MTX2: variants seen among roughly 807,000 people sequenced by gnomAD.
MTX2 encodes metaxin-2.
MTX2 carries 35 observed loss-of-function variants against 42.3 expected under a neutral mutation model. That is an observed-to-expected ratio of 0.83 (90% CI 0.63 to 1.10). The LOEUF (loss-of-function observed/expected upper bound fraction) is 1.10, where lower values mean the gene tolerates loss of function less well. MTX2 is among the 50% of genes least tolerant of loss of function. MTX2 has a pLI of 0.00. For missense variants in MTX2, 307 were observed against 304.1 expected (o/e 1.01, Z -0.07); for synonymous variants, 119 against 100.9 (o/e 1.18, Z -1.08).
chr2:176,325,738 AT>A (rs1001764953), intron 4 of MTX2, among the ~76,000 whole-genome samples: 1 of 151,814 alleles, frequency 6.6e-6, no homozygotes, highest in African/African-American at 2.4e-5. Context: ...TAAGAAAACA[AT>A]GTGGCCTAAT....
chr2:176,278,403 T>C lies in MTX2; in HGVS notation c.40+8734T>C, dbSNP rs147143050. On this transcript the variant is annotated intron_variant, in intron 1 of 9. Transcript: ENST00000249442. ...TGTAAATTTTTGAAAACTTTGATAA[T>C]AAGATCCCTTCAGAGGCTTGTTTTC... 8.0e-3 allele frequency among the ~76,000 whole-genome samples: 1,213 copies of C among 152,050 alleles called. 5 individuals are homozygous for C. The highest frequency in any genetic ancestry group is 0.014 in the Middle Eastern group (4 of 294).
chr2:176,334,759 T>C (rs914681851), intron 9 of MTX2, among the ~76,000 whole-genome samples: 1 of 152,038 alleles, frequency 6.6e-6, no homozygotes, highest in Non-Finnish European at 1.5e-5. Flanking sequence ...ATTCGGCAAG[T>C]GCTACTTCAG....
At chr2:176,306,289 A>ATTTTC (rs1354266802) in intron 3 of MTX2, among the ~76,000 whole-genome samples, 1 of 151,950 alleles carries the variant, frequency 6.6e-6, no homozygotes, top group African/African-American at 2.4e-5. Flanking sequence ...TATGTGCCAC[A>ATTTTC]TTTTCTTAAT....
In MTX2 at chr2:176,282,126, G is replaced by GTTTTTTTTGTTTTTTTTTTTTTTTT. The variant is rs767511650; in HGVS notation, c.40+12465_40+12466insGTTTTTTTTTTTTTTTTTTTTTTTT. ...TGATATTATTTTTAGAGTTACAGTA[G>GTTTTTTTTGTTTTTTTTTTTTTTTT]TTTTTTTTTTTTTTTTTTTTTTTTT... On this transcript the variant is annotated intron_variant, in intron 1 of 9. Coordinates refer to ENST00000249442, the MANE Select transcript of MTX2 (RefSeq NM_006554.5). Among the ~76,000 whole-genome samples, 26 of 26,424 alleles carry GTTTTTTTTGTTTTTTTTTTTTTTTT rather than the reference G, an allele frequency of 9.8e-4. 4 individuals carry two copies. Among genetic ancestry groups the GTTTTTTTTGTTTTTTTTTTTTTTTT allele is most frequent in the African/African-American group, 1.8e-3 (11 of 6,116 alleles). 17.3% of individuals were successfully genotyped at this position (26,424 alleles called of 152,430 possible). A position where few individuals can be genotyped will look rare whatever the true frequency, so the allele number is the denominator to read the frequency against.
intron 3 of MTX2, among the ~76,000 whole-genome samples, chr2:176,308,899 C>T (rs979247489): frequency 1.3e-5 from 2 of 151,914 alleles, no homozygotes; most frequent in African/African-American, 4.8e-5. Context: ...CTTTCAGATC[C>T]GCTCTGATCT....
intron 3 of MTX2, among the ~76,000 whole-genome samples, chr2:176,319,442 CTTTT>C (rs71004269): frequency 4.6e-5 from 6 of 130,588 alleles, no homozygotes; most frequent in Non-Finnish European, 8.2e-5. Context: ...TTTGGCTTTG[CTTTT>C]TTTTTTTTTT....
intron 5 of MTX2, among the ~76,000 whole-genome samples, 164 bp from the exon 6 acceptor site, chr2:176,328,129 T>C (rs1413961335): frequency 6.6e-6 from 1 of 151,268 alleles, no homozygotes; most frequent in Non-Finnish European, 1.5e-5. Flanking sequence ...TTTGTAGTGA[T>C]AGCAGAGTAT....
At chr2:176,298,891 G>T (rs114542378) in intron 3 of MTX2, among the ~76,000 whole-genome samples, 1,884 of 152,190 alleles carry the variant, frequency 0.012, 36 homozygotes, top group African/African-American at 0.043. Context: ...AAAAGCTATA[G>T]AACATTTTAA....
In MTX2 at chr2:176,273,340, T is replaced by A. The variant is rs555672883; in HGVS notation, c.40+3671T>A. Among the ~76,000 whole-genome samples the A allele has an allele frequency of 2.0e-4, 30 of 152,350 alleles. 1 individual carries two copies. The South Asian group carries it at 6.2e-3, about 32-fold the overall frequency. ...CTGTGTTTGACTTGTAAATGACTTA[T>A]AAATGTGACTCAAATCCAGCAACTA... On this transcript the variant is annotated intron_variant, in intron 1 of 9. Transcript: ENST00000249442.
chr2:176,323,301 C>A, intron 3 of MTX2, 91 bp from the exon 4 acceptor site: 1 of 1,055,490 alleles, frequency 9.5e-7, no homozygotes, highest in Non-Finnish European at 1.4e-6. Flanking sequence ...TAGTATGAAA[C>A]TATTCAGTTT....
At chr2:176,335,975 G>C (rs1684978871) in intron 9 of MTX2, among the ~76,000 whole-genome samples, 1 of 152,062 alleles carries the variant, frequency 6.6e-6, no homozygotes, top group Non-Finnish European at 1.5e-5. Flanking sequence ...ATCTCTAGGA[G>C]ACTACTTATC....
chr2:176,332,826 CTT>C (rs2105448381), intron 9 of MTX2, among the ~76,000 whole-genome samples: 1 of 151,248 alleles, frequency 6.6e-6, no homozygotes, highest in Non-Finnish European at 1.5e-5. Context: ...AAAATTAATG[CTT>C]TTGAAAGCAT....
At chr2:176,320,321 T>C (rs1286599995) in intron 3 of MTX2, among the ~76,000 whole-genome samples, 3 of 152,172 alleles carry the variant, frequency 2.0e-5, no homozygotes, top group Non-Finnish European at 4.4e-5. Context: ...ATACAGCATT[T>C]TGGAATATTA....
chr2:176,301,321 A>T (rs1364038737), intron 3 of MTX2, among the ~76,000 whole-genome samples: 3 of 152,150 alleles, frequency 2.0e-5, no homozygotes, highest in Non-Finnish European at 4.4e-5. Context: ...CCCACATTTC[A>T]TAGAACCCAC....
chr2:176,294,163 A>G (rs1454713354), intron 1 of MTX2, among the ~76,000 whole-genome samples: 2 of 152,044 alleles, frequency 1.3e-5, no homozygotes, highest in African/African-American at 2.4e-5. Flanking sequence ...TGGTATTTGT[A>G]GGAAGCTTCT....
chr2:176,286,749 A>G (rs1693213865), intron 1 of MTX2, among the ~76,000 whole-genome samples: 3 of 151,810 alleles, frequency 2.0e-5, no homozygotes. Flanking sequence ...AGGTTTCACC[A>G]TGTTGGCCAG....
intron 3 of MTX2, among the ~76,000 whole-genome samples, chr2:176,316,534 T>C (rs922664315): frequency 2.6e-5 from 4 of 152,110 alleles, no homozygotes; most frequent in Non-Finnish European, 5.9e-5. Flanking sequence ...CCCAAGTAGC[T>C]GGGACTACAG....
At chr2:176,279,610 T>C (rs1693032709) in intron 1 of MTX2, among the ~76,000 whole-genome samples, 1 of 152,166 alleles carries the variant, frequency 6.6e-6, no homozygotes. Context: ...ATCATTGTTA[T>C]TTTTACTATT....
intron 7 of MTX2, 37 bp from the exon 8 acceptor site, chr2:176,329,264 G>A (rs1435417198): frequency 6.4e-7 from 1 of 1,552,434 alleles, no homozygotes; most frequent in Non-Finnish European, 8.7e-7. Flanking sequence ...TTGTTTTTAG[G>A]AAGGATCACC....
Sources: gnomAD v4.1 joint callset for allele counts (sites outside exome capture counted in the v4.1 genomes callset) on GRCh38, gnomAD v4.1.1 for gene constraint, MANE v1.5 for transcripts, NCBI Gene and HGNC (gene_info 2026-07-23, HGNC 2026-07-21) for gene names.